NRG3: variants seen among roughly 807,000 people sequenced by gnomAD.
NRG3 encodes pro-neuregulin-3, membrane-bound isoform.
A neutral mutation model predicts 66.9 loss-of-function variants in NRG3; 31 were observed. The observed-to-expected ratio is 0.46, with a 90% confidence interval of 0.35 to 0.63. The LOEUF (loss-of-function observed/expected upper bound fraction) is 0.63. Ranked by LOEUF, NRG3 falls within the 20% of genes least tolerant of loss-of-function variation. NRG3 has a pLI of 0.00. For synonymous variants in NRG3, 393 were observed against 359.4 expected (o/e 1.09, Z -1.06); for missense variants, 910 against 878.9 (o/e 1.04, Z -0.45).
At chr10:82,610,947 C>A (rs1337292203) in intron 2 of NRG3, among the ~76,000 whole-genome samples, 1 of 152,000 alleles carries the variant, frequency 6.6e-6, no homozygotes, top group Admixed American at 6.6e-5. Flanking sequence ...TATTTGGTAA[C>A]AACTCAATAT....
chr10:82,265,294 C>T (rs2134246478), intron 1 of NRG3, among the ~76,000 whole-genome samples: 1 of 152,080 alleles, frequency 6.6e-6, no homozygotes, highest in African/African-American at 2.4e-5. Flanking sequence ...GGGATTTTGA[C>T]AATGGAAGGA....
chr10:82,760,207 AAC>A lies in NRG3; in HGVS notation c.1027+21561_1027+21562del, dbSNP rs2059249550. 2.6e-5 allele frequency among the ~76,000 whole-genome samples: 4 copies of A among 152,070 alleles called. No homozygotes were observed. In the South Asian group the frequency reaches 8.3e-4, roughly 32 times the overall value. ...TAAACTAGCACCACAACCCCAGAAA[AAC>A]ACAGGGCCCCAGTAGAGACAAACAG... On this transcript the variant is annotated intron_variant, in intron 3 of 8. Transcript: ENST00000372141.
chr10:82,802,209 A>G (rs2061071864), intron 3 of NRG3, among the ~76,000 whole-genome samples: 1 of 152,208 alleles, frequency 6.6e-6, no homozygotes. Context: ...AAGTGAGAGA[A>G]AACAGAGCTC....
chr10:82,030,333 T>A (rs779600936), intron 1 of NRG3, among the ~76,000 whole-genome samples: 1 of 152,096 alleles, frequency 6.6e-6, no homozygotes, highest in Non-Finnish European at 1.5e-5. Flanking sequence ...TTAATAACCA[T>A]GATCCAATTC....
rs187283587 is a variant in NRG3 at position 82,774,402 on chromosome 10, T to G, written c.1027+35752T>G. On this transcript the variant is annotated intron_variant, in intron 3 of 8. Transcript: ENST00000372141. ...CCATGAAGTAATCTGGCTCTAGGCT[T>G]TTCTTTGTTTAAAAGTTTTTAATGT... 3.9e-3 allele frequency among the ~76,000 whole-genome samples: 596 copies of G among 152,304 alleles called. 4 individuals carry two copies. The highest frequency in any genetic ancestry group is 0.013 in the African/African-American group (561 of 41,578).
chr10:82,801,854 T>C (rs572336714), intron 3 of NRG3, among the ~76,000 whole-genome samples: 1 of 152,326 alleles, frequency 6.6e-6, no homozygotes, highest in South Asian at 2.1e-4. Context: ...TCTGTTCCAA[T>C]AGACACATTC....
intron 3 of NRG3, among the ~76,000 whole-genome samples, chr10:82,759,946 A>T (rs776284506): frequency 1.3e-5 from 2 of 152,180 alleles, no homozygotes; most frequent in Non-Finnish European, 2.9e-5. Flanking sequence ...TGCATGCGTG[A>T]GTTGCTGAAA....
At chr10:82,170,954 T>C (rs73322206) in intron 1 of NRG3, among the ~76,000 whole-genome samples, 2,617 of 151,664 alleles carry the variant, frequency 0.017, 84 homozygotes, top group African/African-American at 0.06. Context: ...GATTTATGGG[T>C]GTTGTCAGAT....
At chr10:82,533,942 T>C (rs1847557517) in intron 2 of NRG3, among the ~76,000 whole-genome samples, 1 of 152,144 alleles carries the variant, frequency 6.6e-6, no homozygotes, top group Non-Finnish European at 1.5e-5. Flanking sequence ...ATCCAAAAAT[T>C]AGTTGCATTT....
intron 3 of NRG3, among the ~76,000 whole-genome samples, chr10:82,789,947 G>T (rs946838893): frequency 6.6e-6 from 1 of 151,800 alleles, no homozygotes; most frequent in African/African-American, 2.4e-5. Context: ...AACAATCTAG[G>T]ATTGATAACA....
At chr10:82,532,895 G>A (rs761626108) in intron 2 of NRG3, among the ~76,000 whole-genome samples, 1 of 150,712 alleles carries the variant, frequency 6.6e-6, no homozygotes, top group Non-Finnish European at 1.5e-5. Context: ...TGAACGGTAT[G>A]CAAGGGTTCC....
chr10:82,791,224 G>T (rs886432120), intron 3 of NRG3, among the ~76,000 whole-genome samples: 2 of 151,014 alleles, frequency 1.3e-5, no homozygotes, highest in Non-Finnish European at 2.9e-5. Context: ...TTTAAGTAAC[G>T]TAATGTGACA....
At chr10:82,735,651 A>C (rs149944624) in intron 2 of NRG3, among the ~76,000 whole-genome samples, 74 of 152,310 alleles carry the variant, frequency 4.9e-4, no homozygotes, top group African/African-American at 1.7e-3. Flanking sequence ...GTAAGCTATC[A>C]CAGAAACAGA....
At chr10:82,213,630 C>G (rs1228943923) in intron 1 of NRG3, among the ~76,000 whole-genome samples, 1 of 152,102 alleles carries the variant, frequency 6.6e-6, no homozygotes, top group African/African-American at 2.4e-5. Context: ...CTATAATATA[C>G]TATAAAATAT....
intron 2 of NRG3, among the ~76,000 whole-genome samples, chr10:82,378,408 G>A (rs540832295): frequency 6.6e-6 from 1 of 152,200 alleles, no homozygotes; most frequent in Non-Finnish European, 1.5e-5. Context: ...TCACCATGTG[G>A]CAATGCAGAA....
intron 4 of NRG3, among the ~76,000 whole-genome samples, chr10:82,880,334 T>G (rs1461494320): frequency 6.6e-6 from 1 of 152,004 alleles, no homozygotes. Flanking sequence ...ATATTTAGAG[T>G]GCGCACGAGT....
intron 2 of NRG3, among the ~76,000 whole-genome samples, chr10:82,724,706 A>G (rs1034616908): frequency 1.3e-5 from 2 of 152,182 alleles, no homozygotes; most frequent in Admixed American, 6.5e-5. Flanking sequence ...CCTGAATGAC[A>G]TCCTGTGGAC....
intron 1 of NRG3, among the ~76,000 whole-genome samples, chr10:81,972,290 C>A (rs2059961048): frequency 6.6e-6 from 1 of 152,058 alleles, no homozygotes; most frequent in South Asian, 2.1e-4. Flanking sequence ...TTCACAATGC[C>A]TAGCACCCAA....
At chr10:82,417,382 G>T (rs2088658570) in intron 2 of NRG3, among the ~76,000 whole-genome samples, 1 of 152,182 alleles carries the variant, frequency 6.6e-6, no homozygotes, top group Non-Finnish European at 1.5e-5. Context: ...GATTCCAGGG[G>T]AATTATGTAT....
Sources: gnomAD v4.1 joint callset for allele counts (sites outside exome capture counted in the v4.1 genomes callset) on GRCh38, gnomAD v4.1.1 for gene constraint, MANE v1.5 for transcripts, NCBI Gene and HGNC (gene_info 2026-07-23, HGNC 2026-07-21) for gene names.